Variants in KCNIP4 observed in about 807,000 individuals in gnomAD.
KCNIP4 encodes potassium voltage-gated channel interacting protein 4, also known as Kv channel-interacting protein 4.
KCNIP4 carries 12 observed loss-of-function variants against 34.0 expected under a neutral mutation model. The observed-to-expected ratio is 0.35, with a 90% CI of 0.23 to 0.57. The LOEUF (loss-of-function observed/expected upper bound fraction) is 0.57, where lower values mean the gene tolerates loss of function less well. KCNIP4 is among the 20% of genes least tolerant of loss of function. KCNIP4 has a pLI of 0.83. For missense variants in KCNIP4, 238 were observed against 311.7 expected, an observed-to-expected ratio of 0.76 and a Z score of 1.78; for synonymous variants, 124 against 102.2, an observed-to-expected ratio of 1.21 and a Z score of -1.29.
chr4:21,848,094 A>G (rs1294282905), intron 1 of KCNIP4: 1 of 152,160 alleles, frequency 6.6e-6, no homozygotes, highest in Non-Finnish European at 1.5e-5. Flanking sequence ...CTCACTCCAG[A>G]TAATTAAAAA....
intron 1 of KCNIP4, among the ~76,000 whole-genome samples, chr4:20,887,751 CAGGCTG>C (rs893140117): frequency 8.5e-5 from 13 of 152,120 alleles, no homozygotes; most frequent in Non-Finnish European, 1.3e-4. Context: ...GGAATGTCCT[CAGGCTG>C]AGGTTAATTG....
chr4:20,837,195 G>C (rs1719148041), intron 3 of KCNIP4, among the ~76,000 whole-genome samples: 1 of 151,652 alleles, frequency 6.6e-6, no homozygotes, highest in Non-Finnish European at 1.5e-5. Context: ...AATGTGAATA[G>C]ACAAGAAAAT....
intron 1 of KCNIP4, among the ~76,000 whole-genome samples, chr4:20,888,964 C>T (rs1725615031): frequency 6.6e-6 from 1 of 152,102 alleles, no homozygotes; most frequent in Non-Finnish European, 1.5e-5. Flanking sequence ...TTACTTAATA[C>T]AATATCATAC....
At chr4:21,435,411 T>C (rs1055664073) in intron 1 of KCNIP4, among the ~76,000 whole-genome samples, 1 of 152,192 alleles carries the variant, frequency 6.6e-6, no homozygotes, top group East Asian at 1.9e-4. Context: ...ACTTCCACTT[T>C]GTGCTAGCAA....
intron 1 of KCNIP4, among the ~76,000 whole-genome samples, chr4:21,833,194 T>A (rs915524460): frequency 6.6e-6 from 1 of 151,586 alleles, no homozygotes; most frequent in African/African-American, 2.4e-5. Flanking sequence ...TGAACTAGTT[T>A]ACAGTCCCAC....
At chr4:21,915,918 T>C (rs1026557304) in intron 1 of KCNIP4, among the ~76,000 whole-genome samples, 2 of 152,230 alleles carry the variant, frequency 1.3e-5, no homozygotes, top group Non-Finnish European at 2.9e-5. Flanking sequence ...GATTTTGTTT[T>C]GTCTGTGTGC....
intron 1 of KCNIP4, among the ~76,000 whole-genome samples, chr4:21,584,156 C>G (rs1391526748): frequency 6.6e-6 from 1 of 152,022 alleles, no homozygotes; most frequent in Non-Finnish European, 1.5e-5. Flanking sequence ...AATCATTACC[C>G]TCATTTTAAT....
intron 1 of KCNIP4, among the ~76,000 whole-genome samples, chr4:21,100,279 G>A (rs574982998): frequency 6.6e-5 from 10 of 152,250 alleles, no homozygotes; most frequent in African/African-American, 2.2e-4. Flanking sequence ...GGCTGGGCAC[G>A]GTGGCTCACA....
intron 1 of KCNIP4, among the ~76,000 whole-genome samples, chr4:21,345,075 A>C (rs957347076): frequency 6.6e-6 from 1 of 152,144 alleles, no homozygotes; most frequent in African/African-American, 2.4e-5. Context: ...TCTGGACAAC[A>C]GAATAATGCA....
chr4:21,041,856 A>G (rs1250089537), intron 1 of KCNIP4, among the ~76,000 whole-genome samples: 2 of 152,230 alleles, frequency 1.3e-5, no homozygotes, highest in Non-Finnish European at 2.9e-5. Flanking sequence ...AACAGCTTCC[A>G]TGATAAAATC....
intron 1 of KCNIP4, among the ~76,000 whole-genome samples, chr4:21,001,388 C>CT (rs1041055982): frequency 6.6e-6 from 1 of 152,154 alleles, no homozygotes; most frequent in Non-Finnish European, 1.5e-5. Context: ...TTAACCTGCC[C>CT]TCCAAGTGGG....
intron 1 of KCNIP4, among the ~76,000 whole-genome samples, chr4:20,888,300 C>T (rs540882745): frequency 6.6e-6 from 1 of 152,132 alleles, no homozygotes; most frequent in African/African-American, 2.4e-5. Flanking sequence ...GTATGTTGCA[C>T]AGTGCTTAGT....
At chr4:21,303,850 A>C in intron 1 of KCNIP4, 1 of 1,614,094 alleles carries the variant, frequency 6.2e-7, no homozygotes, top group African/African-American at 1.3e-5. Context: ...CCAATAATTT[A>C]ACAAAAAGCA....
intron 1 of KCNIP4, among the ~76,000 whole-genome samples, chr4:21,293,981 C>T (rs983210129): frequency 6.6e-6 from 1 of 152,104 alleles, no homozygotes; most frequent in Non-Finnish European, 1.5e-5. Context: ...TGAATCCCGC[C>T]TTGACCACTT....
At chr4:21,617,426 T>G (rs1178363137) in intron 1 of KCNIP4, among the ~76,000 whole-genome samples, 1 of 152,188 alleles carries the variant, frequency 6.6e-6, no homozygotes, top group Non-Finnish European at 1.5e-5. Context: ...TGTCAATCAT[T>G]GCTGCATTTT....
chr4:21,317,494 C>A (rs761353007), intron 1 of KCNIP4, among the ~76,000 whole-genome samples: 1 of 152,058 alleles, frequency 6.6e-6, no homozygotes, highest in African/African-American at 2.4e-5. Context: ...GGGTTGTTAA[C>A]GATAATGTTG....
intron 1 of KCNIP4, among the ~76,000 whole-genome samples, chr4:21,427,385 T>C (rs1726025328): frequency 6.6e-6 from 1 of 152,174 alleles, no homozygotes; most frequent in South Asian, 2.1e-4. Flanking sequence ...CCACACTTAA[T>C]GACCTTTTTA....
intron 1 of KCNIP4, among the ~76,000 whole-genome samples, chr4:21,045,891 G>GAT (rs1742384584): frequency 6.6e-6 from 1 of 152,108 alleles, no homozygotes; most frequent in Non-Finnish European, 1.5e-5. Flanking sequence ...TATTATCTGA[G>GAT]AAATTTGATA....
intron 1 of KCNIP4, among the ~76,000 whole-genome samples, chr4:21,066,950 C>G (rs1227397630): frequency 6.6e-6 from 1 of 152,116 alleles, no homozygotes; most frequent in East Asian, 1.9e-4. Flanking sequence ...ACCAACCCTC[C>G]TCAACCCTAG....
Sources: allele counts gnomAD v4.1 joint callset (sites outside exome capture counted in the v4.1 genomes callset), GRCh38; gene constraint gnomAD v4.1.1; transcripts MANE v1.5; gene names NCBI Gene and HGNC (gene_info 2026-07-23, HGNC 2026-07-21).